The following DCUN1D5 variants were observed in gnomAD, a reference collection of about 807,000 sequenced individuals.
The protein encoded by DCUN1D5 is DCN1-like protein 5.
In DCUN1D5, 10 loss-of-function variants were observed where a neutral mutation model predicts 38.3. The observed-to-expected ratio is 0.26, with a 90% CI of 0.16 to 0.44. The LOEUF (loss-of-function observed/expected upper bound fraction) is 0.44. Ranked by LOEUF, DCUN1D5 falls within the 20% of genes least tolerant of loss-of-function variation. DCUN1D5 has a pLI of 1.00. For synonymous variants in DCUN1D5, 93 were observed against 90.9 expected (o/e 1.02, Z -0.13); for missense variants, 148 against 275.3 (o/e 0.54, Z 3.27).
chr11:103,089,086 C>T, intron 2 of DCUN1D5, 141 bp downstream of exon 2: 1 of 648,728 alleles, frequency 1.5e-6, no homozygotes, highest in Non-Finnish European at 2.3e-6. Context: ...TTTAGTCTAC[C>T]CACAATCTTC....
Position 103,063,381 on chromosome 11 carries a change from C to T in DCUN1D5, c.658+894G>A, listed in dbSNP as rs541857835. Reference sequence around the variant, plus strand: ...CAAAATACATAAATATACACATCTACGGGCCATATACAGCCTTTGGGCTGC... The same window carrying T: ...CAAAATACATAAATATACACATCTATGGGCCATATACAGCCTTTGGGCTGC... On this transcript the variant is annotated intron_variant, in intron 7 of 7. Coordinates refer to ENST00000260247, the MANE Select transcript of DCUN1D5 (RefSeq NM_032299.4). The surrounding 1 kb of genome is among the most constrained non-coding windows in gnomAD (Gnocchi z 4.6). Among the ~76,000 whole-genome samples, 12 of 152,186 alleles carry T rather than the reference C, an allele frequency of 7.9e-5. No individual in the cohort carries two copies. The highest frequency in any genetic ancestry group is 4.1e-4 in the South Asian group (2 of 4,826).
chr11:103,067,209 C>T (rs546842553), intron 4 of DCUN1D5, among the ~76,000 whole-genome samples: 13 of 152,172 alleles, frequency 8.5e-5, no homozygotes, highest in African/African-American at 2.2e-4. Flanking sequence ...ATATAAGCAG[C>T]TAAATATATG....
chr11:103,082,194 G>A (rs1371659668), intron 4 of DCUN1D5, among the ~76,000 whole-genome samples: 2 of 152,030 alleles, frequency 1.3e-5, no homozygotes, highest in Non-Finnish European at 2.9e-5. Context: ...TCAAAGACAG[G>A]ATCCTAAACT....
intron 2 of DCUN1D5, among the ~76,000 whole-genome samples, chr11:103,089,026 T>C (rs1365423804): frequency 6.6e-6 from 1 of 152,180 alleles, no homozygotes; most frequent in Non-Finnish European, 1.5e-5. Context: ...CCAGTAAATA[T>C]ATACCGAATA....
intron 4 of DCUN1D5, 21 bp downstream of exon 4, chr11:103,082,727 T>C: frequency 6.4e-7 from 1 of 1,554,710 alleles, no homozygotes; most frequent in East Asian, 2.3e-5. Context: ...ATCAAATTTG[T>C]TTTTTAAAAA....
intron 1 of DCUN1D5, among the ~76,000 whole-genome samples, chr11:103,089,731 A>G (rs1194229868): frequency 6.6e-6 from 1 of 152,190 alleles, no homozygotes. Context: ...TACTTAATGA[A>G]TCAATATTTC....
intron 3 of DCUN1D5, 52 bp from the exon 4 acceptor site, chr11:103,082,891 C>T: frequency 7.3e-7 from 1 of 1,362,730 alleles, no homozygotes; most frequent in Non-Finnish European, 1.0e-6. Flanking sequence ...TAGAGATAAT[C>T]ATGTCTATAT....
chr11:103,069,409 G>A (rs913519065), intron 4 of DCUN1D5, among the ~76,000 whole-genome samples: 2 of 152,022 alleles, frequency 1.3e-5, no homozygotes, highest in African/African-American at 2.4e-5. Context: ...AAAAACTATG[G>A]CCCAACTCCC....
At position 103,091,687 on chromosome 11, in the gene DCUN1D5, T is replaced by A; in HGVS notation, c.86+100A>T. 2 of 1,606,502 alleles carry A rather than the reference T, an allele frequency of 1.2e-6. No individual in the cohort carries two copies. The highest frequency in any genetic ancestry group is 2.2e-5 in the South Asian group (2 of 90,618). On this transcript the variant is annotated intron_variant, in intron 1 of 7. Transcript: ENST00000260247. The surrounding 1 kb of genome is among the most constrained non-coding windows in gnomAD (Gnocchi z 4.3). ...AGCTCGATCAAAGGGGCCTCACCTG[T>A]CTCCAGCCCCAGCCCGGCAGGCCGG... is the stretch of plus-strand genomic sequence containing the variant.
In DCUN1D5 at chr11:103,087,451, T is replaced by C. The variant is rs1862742525; in HGVS notation, c.178+1776A>G. Among the ~76,000 whole-genome samples, 1 of 152,102 alleles carries C rather than the reference T, an allele frequency of 6.6e-6. No homozygotes were observed. Among genetic ancestry groups the C allele is most frequent in the Non-Finnish European group, 1.5e-5 (1 of 68,002 alleles). ...TCCCAAAGTGCTGAGATTACAGACGTGAGCCACCACACCCGGCTGAAACCC... is the reference window on the plus strand; with the variant it reads ...TCCCAAAGTGCTGAGATTACAGACGCGAGCCACCACACCCGGCTGAAACCC... On this transcript the variant is annotated intron_variant, in intron 2 of 7. Coordinates refer to ENST00000260247, the MANE Select transcript of DCUN1D5 (RefSeq NM_032299.4). This position sits in a 1 kb window ranked among gnomAD's most constrained non-coding sequence, Gnocchi z 4.1.
chr11:103,073,926 T>A lies in DCUN1D5; in HGVS notation c.342-7359A>T, dbSNP rs896302691. ...TGTCACTACTAAAAAATAGAAAAATTAGCCAGGTATGGTGGCACATGCATG... is the reference window on the plus strand; with the variant it reads ...TGTCACTACTAAAAAATAGAAAAATAAGCCAGGTATGGTGGCACATGCATG... On this transcript the variant is annotated intron_variant, in intron 4 of 7. Transcript: ENST00000260247. The surrounding 1 kb of genome is among the most constrained non-coding windows in gnomAD (Gnocchi z 4.2). 1.3e-5 allele frequency among the ~76,000 whole-genome samples: 2 copies of A among 151,850 alleles called. No homozygotes were observed. The highest frequency in any genetic ancestry group is 3.9e-4 in the East Asian group (2 of 5,170).
At chr11:103,081,930 G>A (rs1862574342) in intron 4 of DCUN1D5, among the ~76,000 whole-genome samples, 2 of 151,994 alleles carry the variant, frequency 1.3e-5, no homozygotes, top group South Asian at 2.1e-4. Context: ...AATTACATGT[G>A]TTAATGAAAG....
Position 103,083,129 on chromosome 11 carries a change from G to A in DCUN1D5, c.249+127C>T. Reference sequence around the variant, plus strand: ...TAAACTGATTAAAAATACCTTAAATGCAAATTTACAATATTAAACATGAAG... The same window carrying A: ...TAAACTGATTAAAAATACCTTAAATACAAATTTACAATATTAAACATGAAG... On this transcript the variant is annotated intron_variant, in intron 3 of 7. Transcript: ENST00000260247. This position sits in a 1 kb window ranked among gnomAD's most constrained non-coding sequence, Gnocchi z 4.4. 1 of 617,654 alleles carries A rather than the reference G, an allele frequency of 1.6e-6. No individual in the cohort carries two copies. The allele number at this position is 617,654 out of a possible 1,614,324, so 38.3% of individuals were successfully genotyped here. A position where few individuals can be genotyped will look rare whatever the true frequency, so the allele number is the denominator to read the frequency against.
chr11:103,089,820 C>A (rs1056258222), intron 1 of DCUN1D5, among the ~76,000 whole-genome samples: 1 of 151,464 alleles, frequency 6.6e-6, no homozygotes, highest in African/African-American at 2.4e-5. Context: ...GACTTAGGAC[C>A]TAAGGGTATA....
rs933708815 is a variant in DCUN1D5 at position 103,055,682 on chromosome 11, G to A, written c.*6677C>T. 3 of 151,962 alleles carry A rather than the reference G, an allele frequency of 2.0e-5. No homozygotes were observed. The highest frequency in any genetic ancestry group is 4.2e-4 in the South Asian group (2 of 4,810). The allele number at this position is 151,962 out of a possible 1,614,324, so 9.4% of individuals were successfully genotyped here. A position where few individuals can be genotyped will look rare whatever the true frequency, so the allele number is the denominator to read the frequency against. ...ACAAAAGTTGGCCTTGAATTTCATCGATCATATGTCTTCAATTAAGTTCTA... is the reference window on the plus strand; with the variant it reads ...ACAAAAGTTGGCCTTGAATTTCATCAATCATATGTCTTCAATTAAGTTCTA... On this transcript the variant is annotated 3_prime_UTR_variant, in exon 8 of 8. Transcript: ENST00000260247.
chr11:103,061,124 A>G lies in DCUN1D5; in HGVS notation c.*1235T>C, dbSNP rs1486842222. ...AAAATGTCATTCTCTTAGGTAATCA[A>G]TATGGAGAAATCATTCTTTAAACAA... On this transcript the variant is annotated 3_prime_UTR_variant, in exon 8 of 8. Coordinates refer to ENST00000260247, the MANE Select transcript of DCUN1D5 (RefSeq NM_032299.4). Among the ~76,000 whole-genome samples the G allele has an allele frequency of 6.6e-6, 1 of 152,208 alleles. No individual in the cohort carries two copies. The highest frequency in any genetic ancestry group is 1.5e-5 in the Non-Finnish European group (1 of 68,020).
intron 2 of DCUN1D5, 62 bp downstream of exon 2, chr11:103,089,165 G>A: frequency 1.3e-6 from 2 of 1,510,698 alleles, no homozygotes; most frequent in Non-Finnish European, 1.8e-6. Context: ...TTTGTTAAAT[G>A]AATAAGGCAA....
chr11:103,092,156 C>CGT lies in DCUN1D5; in HGVS notation c.-285_-284insAC. ...AGCGCGGCAGCTCCACCAGTCACAG[C>CGT]AAGCAAGAGGCTCAGCCTAACCCGG... is the stretch of plus-strand genomic sequence containing the variant. On this transcript the variant is annotated 5_prime_UTR_variant, in exon 1 of 8. Coordinates refer to ENST00000260247, the MANE Select transcript of DCUN1D5 (RefSeq NM_032299.4). 1 of 397,210 alleles carries CGT rather than the reference C, an allele frequency of 2.5e-6. No individual in the cohort carries two copies. The highest frequency in any genetic ancestry group is 4.6e-6 in the Non-Finnish European group (1 of 219,100). The allele number at this position is 397,210 out of a possible 1,614,324, so 24.6% of individuals were successfully genotyped here. A position where few individuals can be genotyped will look rare whatever the true frequency, so the allele number is the denominator to read the frequency against.
Position 103,056,691 on chromosome 11 carries a change from A to G in DCUN1D5, c.*5668T>C, listed in dbSNP as rs1861881238. The stretch of plus-strand genomic sequence containing the variant: ...TAGAATACTTCTTGGCATATAGTAG[A>G]TGCTTGAGATTTGTTAAATTAATGA... On this transcript the variant is annotated 3_prime_UTR_variant, in exon 8 of 8. Coordinates refer to ENST00000260247, the MANE Select transcript of DCUN1D5 (RefSeq NM_032299.4). This position sits in a 1 kb window ranked among gnomAD's most constrained non-coding sequence, Gnocchi z 4.9. Among the ~76,000 whole-genome samples the G allele has an allele frequency of 6.6e-6, 1 of 152,198 alleles. No individual in the cohort carries two copies. The highest frequency in any genetic ancestry group is 1.5e-5 in the Non-Finnish European group (1 of 68,022).
Sources: gnomAD v4.1 joint callset for allele counts (sites outside exome capture counted in the v4.1 genomes callset) on GRCh38, gnomAD v4.1.1 for gene constraint, Gnocchi (gnomAD v3.1) non-coding constraint, MANE v1.5 for transcripts, NCBI Gene and HGNC (gene_info 2026-07-23, HGNC 2026-07-21) for gene names.